UTP20: variants seen among roughly 807,000 people sequenced by gnomAD.
The protein encoded by UTP20 is small subunit processome component 20 homolog.
In UTP20, 164 loss-of-function variants were observed where a neutral mutation model predicts 329.5. The observed-to-expected ratio is 0.50, with a 90% CI of 0.44 to 0.57. The LOEUF (loss-of-function observed/expected upper bound fraction) is 0.57, where lower values mean the gene tolerates loss of function less well. Ranked by LOEUF, UTP20 falls within the 20% of genes least tolerant of loss-of-function variation. UTP20 has a pLI of 0.00. For synonymous variants in UTP20, 1,151 were observed against 1,159.3 expected (o/e 0.99, Z 0.14); for missense variants, 3,055 against 3,284.2 (o/e 0.93, Z 1.71).
At chr12:101,365,037 G>A (rs1157591138) in intron 45 of UTP20, among the ~76,000 whole-genome samples, 3 of 150,550 alleles carry the variant, frequency 2.0e-5, no homozygotes, top group Non-Finnish European at 2.9e-5. Context: ...CTTCATTCTC[G>A]TGGTTTTCTA....
intron 32 of UTP20, among the ~76,000 whole-genome samples, chr12:101,341,045 G>A (rs1047463913): frequency 3.1e-5 from 4 of 131,114 alleles, no homozygotes; most frequent in Non-Finnish European, 4.7e-5. Flanking sequence ...GCAAAATCTC[G>A]GCTCACTGCA....
In UTP20 at chr12:101,340,618, C is replaced by T. The variant is rs1194995697; in HGVS notation, c.4101+8C>T. Reference sequence around the variant, plus strand: ...CGTGGCAATATTGCTGAGGTACAAACTCATAGGACACTTAACTTTGTCTCT... The same window carrying T: ...CGTGGCAATATTGCTGAGGTACAAATTCATAGGACACTTAACTTTGTCTCT... On this transcript the variant is annotated splice_region_variant and intron_variant, in intron 32 of 61. Coordinates refer to ENST00000261637, the MANE Select transcript of UTP20 (RefSeq NM_014503.3). 3.2e-6 allele frequency: 5 copies of T among 1,579,402 alleles called. No homozygotes were observed. The highest frequency in any genetic ancestry group is 4.3e-6 in the Non-Finnish European group (5 of 1,150,878).
intron 45 of UTP20, among the ~76,000 whole-genome samples, chr12:101,364,704 T>C (rs1004096451): frequency 6.6e-6 from 1 of 152,216 alleles, no homozygotes; most frequent in Admixed American, 6.5e-5. Flanking sequence ...GCACTATCTA[T>C]TGACATGAAT....
In UTP20 at chr12:101,290,793, T is replaced by C. The variant is rs767936184; in HGVS notation, c.796T>C (p.Trp266Arg). Reference protein sequence around the residue: ...PVTETETQLPWMLIGETLKNM... With the variant: ...PVTETETQLPRMLIGETLKNM... ...CACTGAAACAGAAACTCAACTACCA[T>C]GGATGTTAATTGGAGAAACACTCAA... The change falls in exon 8 of 62, where the codon TGG becomes CGG. Residue 266 changes from tryptophan to arginine, a missense_variant. Around this residue, in one of 3 missense-constraint regions of UTP20, gnomAD observed 2,445 missense variants for 2,575.5 expected, o/e 0.95. Coordinates refer to ENST00000261637, the MANE Select transcript of UTP20 (RefSeq NM_014503.3). The C allele has an allele frequency of 2.0e-5, 33 of 1,613,850 alleles. No individual in the cohort carries two copies. The highest frequency in any genetic ancestry group is 1.6e-4 in the Middle Eastern group (1 of 6,082).
At chr12:101,373,085 A>G (rs945492974) in intron 52 of UTP20, 122 bp downstream of exon 52, 1 of 807,660 alleles carries the variant, frequency 1.2e-6, no homozygotes, top group African/African-American at 1.7e-5. Flanking sequence ...GCATACTGTT[A>G]TATGACTCAT....
chr12:101,324,729 G>T (rs58220767), intron 25 of UTP20, among the ~76,000 whole-genome samples: 4,785 of 152,048 alleles, frequency 0.031, 280 homozygotes, highest in African/African-American at 0.11. Context: ...AAATATTTTG[G>T]TTTTTTCTAG....
chr12:101,337,464 G>A (rs1040654021), intron 29 of UTP20, among the ~76,000 whole-genome samples: 1 of 152,170 alleles, frequency 6.6e-6, no homozygotes, highest in Non-Finnish European at 1.5e-5. Flanking sequence ...CCTTGTTGGT[G>A]CATTTGCATC....
intron 25 of UTP20, among the ~76,000 whole-genome samples, chr12:101,323,844 A>G (rs1464833191): frequency 6.6e-6 from 1 of 152,200 alleles, no homozygotes; most frequent in Non-Finnish European, 1.5e-5. Context: ...TAAAAAATCC[A>G]GACTTTCAGC....
In UTP20 at chr12:101,295,217, G is replaced by T. The variant is rs1181129394; in HGVS notation, c.1252-263G>T. 2.0e-5 allele frequency among the ~76,000 whole-genome samples: 3 copies of T among 152,132 alleles called. No homozygotes were observed. The East Asian group carries it at 5.8e-4, about 29-fold the overall frequency. ...AGGGTTCATGGAGATAAAATATTGA[G>T]ATTTAATACATCTGAAAATGTCTTT... On this transcript the variant is annotated intron_variant, in intron 11 of 61. Transcript: ENST00000261637.
chr12:101,295,435 T>A (rs1381910827), intron 11 of UTP20, 45 bp from the exon 12 acceptor site: 1 of 1,479,766 alleles, frequency 6.8e-7, no homozygotes, highest in Non-Finnish European at 9.0e-7. Flanking sequence ...ATCTTCTCTT[T>A]ATTATATCTG....
chr12:101,367,593 C>T (rs1433825429), intron 47 of UTP20, among the ~76,000 whole-genome samples: 1 of 152,130 alleles, frequency 6.6e-6, no homozygotes, highest in African/African-American at 2.4e-5. Flanking sequence ...ATTGCCATAT[C>T]CTGCGTACTG....
intron 8 of UTP20, 141 bp downstream of exon 8, chr12:101,291,029 C>T (rs914347945): frequency 2.4e-6 from 2 of 840,438 alleles, no homozygotes; most frequent in Non-Finnish European, 1.7e-6. Flanking sequence ...TTAAAATTTT[C>T]CTTCCCTCTG....
chr12:101,344,829 A>G, intron 36 of UTP20, 79 bp downstream of exon 36: 1 of 1,312,572 alleles, frequency 7.6e-7, no homozygotes, highest in Middle Eastern at 1.9e-4. Flanking sequence ...ACTGTTGTAT[A>G]GAAAAGTAGT....
intron 58 of UTP20, 96 bp downstream of exon 58, chr12:101,381,307 A>G: frequency 9.6e-7 from 1 of 1,045,090 alleles, no homozygotes; most frequent in Non-Finnish European, 1.5e-6. Flanking sequence ...CGAGGCGGCC[A>G]GATCACCCCG....
intron 48 of UTP20, among the ~76,000 whole-genome samples, chr12:101,368,713 A>C (rs1045856156): frequency 3.3e-5 from 5 of 152,138 alleles, no homozygotes; most frequent in Non-Finnish European, 7.3e-5. Context: ...ACCACCCCTG[A>C]GGCATATATT....
At chr12:101,374,100 T>C (rs1394890585) in intron 54 of UTP20, among the ~76,000 whole-genome samples, 2 of 150,404 alleles carry the variant, frequency 1.3e-5, no homozygotes, top group Admixed American at 1.3e-4. Context: ...CCGGGCGTAG[T>C]GGCGGGCGCC....
At chr12:101,309,993 A>C (rs1163834497) in intron 19 of UTP20, among the ~76,000 whole-genome samples, 154 bp downstream of exon 19, 2 of 152,210 alleles carry the variant, frequency 1.3e-5, no homozygotes, top group Non-Finnish European at 2.9e-5. Flanking sequence ...GTAAATTAAA[A>C]ATAAACATGA....
intron 21 of UTP20, among the ~76,000 whole-genome samples, chr12:101,315,447 G>A (rs913792903): frequency 6.6e-6 from 1 of 151,728 alleles, no homozygotes; most frequent in Non-Finnish European, 1.5e-5. Flanking sequence ...TTGTGCCACT[G>A]CACTCCAGCC....
Position 101,280,313 on chromosome 12 carries a change from G to A in UTP20, c.31G>A (p.Glu11Lys). The A allele has an allele frequency of 6.4e-7, 1 of 1,551,606 alleles. No individual in the cohort carries two copies. The highest frequency in any genetic ancestry group is 1.2e-5 in the South Asian group (1 of 84,054). MKTKPVSHKTENTYRFLTFAE... is the reference protein window; with the variant it reads MKTKPVSHKTKNTYRFLTFAE... ...GACAAAGCCCGTTTCCCACAAGACC[G>A]AGAACACCTACCGGGTGAGCGCGGG... Residue 11 changes from glutamate (E) to lysine (K), a missense_variant, in exon 1 of 62, where the codon GAG becomes AAG. Coordinates refer to ENST00000261637, the MANE Select transcript of UTP20 (RefSeq NM_014503.3).
Sources: allele counts gnomAD v4.1 joint callset (sites outside exome capture counted in the v4.1 genomes callset), GRCh38; gene constraint gnomAD v4.1.1; regional missense constraint gnomAD v4.1.1; transcripts MANE v1.5; gene names NCBI Gene and HGNC (gene_info 2026-07-23, HGNC 2026-07-21).